Variants in DLG1 observed in about 807,000 individuals in gnomAD.
DLG1 encodes the protein discs large MAGUK scaffold protein 1.
DLG1 carries 42 observed loss-of-function variants against 123.4 expected under a neutral mutation model. The observed-to-expected ratio is 0.34, with a 90% confidence interval of 0.27 to 0.44. The LOEUF is 0.44. Ranked by LOEUF, DLG1 falls within the 20% of genes least tolerant of loss-of-function variation. The pLI, the probability that DLG1 is intolerant of heterozygous loss-of-function variation, is 1.00. For missense variants in DLG1, 942 were observed against 1,082.6 expected, an observed-to-expected ratio of 0.87 and a Z score of 1.82; for synonymous variants, 317 against 356.2, an observed-to-expected ratio of 0.89 and a Z score of 1.24.
At chr3:197,101,548 G>T (rs559271853) in intron 14 of DLG1, among the ~76,000 whole-genome samples, 2 of 152,192 alleles carry the variant, frequency 1.3e-5, no homozygotes, top group South Asian at 4.1e-4. Context: ...ACCACGCCTG[G>T]CTAATTTTGG....
chr3:197,255,014 C>A (rs112421976), intron 4 of DLG1, among the ~76,000 whole-genome samples: 16 of 152,184 alleles, frequency 1.1e-4, no homozygotes, highest in African/African-American at 3.9e-4. Flanking sequence ...CGAGATCACG[C>A]TACTGCATTC....
intron 5 of DLG1, among the ~76,000 whole-genome samples, chr3:197,164,737 A>AC (rs1800474575): frequency 8.7e-6 from 1 of 114,478 alleles, no homozygotes; most frequent in Non-Finnish European, 1.9e-5. Context: ...CCCCGTCTCT[A>AC]CTAAAAAAAA....
At chr3:197,096,097 G>C (rs993506112) in intron 14 of DLG1, among the ~76,000 whole-genome samples, 2 of 152,138 alleles carry the variant, frequency 1.3e-5, no homozygotes, top group Non-Finnish European at 2.9e-5. Context: ...CTAGGCTCAG[G>C]CCCTCTCAGT....
chr3:197,122,587 A>G (rs186672251), intron 11 of DLG1, among the ~76,000 whole-genome samples: 43 of 152,290 alleles, frequency 2.8e-4, no homozygotes, highest in African/African-American at 9.9e-4. Context: ...TAACAAATTT[A>G]GCAAGATTGT....
chr3:197,051,743 G>T, intron 23 of DLG1, 75 bp from the exon 24 acceptor site: 1 of 1,094,008 alleles, frequency 9.1e-7, no homozygotes, highest in South Asian at 1.4e-5. Flanking sequence ...AAGGAGAGAT[G>T]ACACATAAAA....
intron 19 of DLG1, among the ~76,000 whole-genome samples, chr3:197,067,847 G>A (rs1169765097): frequency 2.0e-5 from 3 of 152,092 alleles, no homozygotes; most frequent in Non-Finnish European, 4.4e-5. Flanking sequence ...GTGAGCCGCC[G>A]CGCCCGGCCA....
At chr3:197,055,437 C>T (rs935972834) in intron 23 of DLG1, among the ~76,000 whole-genome samples, 1 of 152,212 alleles carries the variant, frequency 6.6e-6, no homozygotes, top group African/African-American at 2.4e-5. Flanking sequence ...GGAAACTACA[C>T]ATTTAAATCT....
intron 11 of DLG1, 86 bp from the exon 12 acceptor site, chr3:197,119,616 T>C (rs1221292967): frequency 1.6e-6 from 2 of 1,256,516 alleles, no homozygotes; most frequent in East Asian, 3.2e-5. Flanking sequence ...GTGTAATTTA[T>C]ATGCACTCCT....
intron 4 of DLG1, among the ~76,000 whole-genome samples, chr3:197,233,513 A>AG (rs1561591999): frequency 6.6e-6 from 1 of 152,172 alleles, no homozygotes; most frequent in Non-Finnish European, 1.5e-5. Context: ...CAGTCTCCCA[A>AG]GTAGCTGGGA....
intron 9 of DLG1, 47 bp from the exon 10 acceptor site, chr3:197,136,725 A>G (rs1311228521): frequency 1.3e-6 from 2 of 1,532,314 alleles, no homozygotes. Flanking sequence ...TATGAACTTA[A>G]GCCCAGAAAG....
chr3:197,122,743 A>G (rs1447492247), intron 11 of DLG1, among the ~76,000 whole-genome samples: 1 of 152,128 alleles, frequency 6.6e-6, no homozygotes, highest in African/African-American at 2.4e-5. Flanking sequence ...ACTATACAAC[A>G]CTGCAGAGAG....
intron 4 of DLG1, among the ~76,000 whole-genome samples, chr3:197,272,850 G>A (rs1218248388): frequency 2.6e-5 from 4 of 152,290 alleles, no homozygotes; most frequent in African/African-American, 9.6e-5. Context: ...GTAGTAAATA[G>A]GGAGAGTACA....
At position 197,051,585 on chromosome 3, in the gene DLG1, T is replaced by C; in HGVS notation, c.2567A>G (p.His856Arg). ...TACAACACGGTTCCAACCTGTGAAA[T>C]GTTCAGTAAACTCCTGTTCCAGTTT... ...AMKLEQEFTEHFTAIVQGDTL... is the reference protein window; with the variant it reads ...AMKLEQEFTERFTAIVQGDTL... Residue 856 changes from histidine to arginine, a missense_variant, in exon 24 of 25, where the codon CAT (histidine) becomes CGT (arginine). By Grantham distance (29) the His-to-Arg change is conservative (BLOSUM62 0). Transcript: ENST00000667157. 6.2e-7 allele frequency: 1 copy of C among 1,613,784 alleles called. No individual in the cohort carries two copies. Among genetic ancestry groups the C allele is most frequent in the Non-Finnish European group, 8.5e-7 (1 of 1,179,676 alleles).
chr3:197,265,537 A>C (rs1481725697), intron 4 of DLG1, among the ~76,000 whole-genome samples: 1 of 152,224 alleles, frequency 6.6e-6, no homozygotes, highest in Non-Finnish European at 1.5e-5. Context: ...AGAGCGGGAC[A>C]GAAAAAGCTC....
intron 4 of DLG1, among the ~76,000 whole-genome samples, chr3:197,216,449 T>A (rs1442852346): frequency 6.6e-6 from 1 of 152,154 alleles, no homozygotes; most frequent in Admixed American, 6.5e-5. Context: ...AAAAGGCACA[T>A]GGGGCAGTCT....
At chr3:197,244,824 G>C (rs1340801253) in intron 4 of DLG1, among the ~76,000 whole-genome samples, 2 of 152,088 alleles carry the variant, frequency 1.3e-5, no homozygotes, top group Non-Finnish European at 2.9e-5. Flanking sequence ...GGCTGATGCT[G>C]ATGTGCTGGG....
intron 4 of DLG1, among the ~76,000 whole-genome samples, chr3:197,261,457 T>C (rs1183727064): frequency 6.6e-6 from 1 of 152,164 alleles, no homozygotes; most frequent in Non-Finnish European, 1.5e-5. Context: ...ACCTTTAAAA[T>C]CCAAGAAATT....
intron 5 of DLG1, among the ~76,000 whole-genome samples, chr3:197,191,661 G>A (rs1345090205): frequency 1.3e-5 from 2 of 152,110 alleles, no homozygotes; most frequent in Non-Finnish European, 2.9e-5. Flanking sequence ...CAAGATAAAA[G>A]CAGGCTGACA....
At chr3:197,080,983 A>T in intron 17 of DLG1, 68 bp downstream of exon 17, 2 of 1,426,462 alleles carry the variant, frequency 1.4e-6, no homozygotes, top group South Asian at 2.4e-5. Context: ...CTGATAGCAA[A>T]ATCCTTTTCA....
Sources: allele counts gnomAD v4.1 joint callset (sites outside exome capture counted in the v4.1 genomes callset), GRCh38; gene constraint gnomAD v4.1.1; transcripts MANE v1.5; gene names NCBI Gene and HGNC (gene_info 2026-07-23, HGNC 2026-07-21).